CUX1: variants seen among roughly 807,000 people sequenced by gnomAD.
The protein encoded by CUX1 is protein CASP.
CUX1 carries 31 observed loss-of-function variants against 158.8 expected under a neutral mutation model. That is an observed-to-expected ratio of 0.20 (90% CI 0.15 to 0.26). The LOEUF is 0.26. CUX1 is among the 10% of genes least tolerant of loss of function. The pLI, the probability that CUX1 is intolerant of heterozygous loss-of-function variation, is 1.00. For synonymous variants in CUX1, 879 were observed against 862.1 expected, an observed-to-expected ratio of 1.02 and a Z score of -0.34; for missense variants, 1,589 against 2,014.6, an observed-to-expected ratio of 0.79 and a Z score of 4.04.
intron 2 of CUX1, among the ~76,000 whole-genome samples, chr7:101,996,479 A>C (rs202155): frequency 0.8 from 121,708 of 152,078 alleles, 49,260 homozygotes; most frequent in East Asian, 0.99. Context: ...TGTCTCTGCC[A>C]AGCCCCATGT....
chr7:101,853,584 G>GGGGTGTGT (rs754780783), intron 1 of CUX1, among the ~76,000 whole-genome samples: 75 of 140,868 alleles, frequency 5.3e-4, no homozygotes, highest in African/African-American at 1.8e-3. Flanking sequence ...CAATAGAAAG[G>GGGGTGTGT]GTGTGTGTGT....
chr7:101,873,369 A>G (rs1326102687), intron 1 of CUX1, among the ~76,000 whole-genome samples: 1 of 106,534 alleles, frequency 9.4e-6, no homozygotes, highest in Non-Finnish European at 1.7e-5. Context: ...TTTATTTTTT[A>G]TAGAGACAGG....
At chr7:102,271,132 T>A (rs1457882897) in intron 14 of CUX1, among the ~76,000 whole-genome samples, 1 of 152,124 alleles carries the variant, frequency 6.6e-6, no homozygotes, top group Non-Finnish European at 1.5e-5. Flanking sequence ...AAGGGCTCAC[T>A]CTGGCCAGGC....
At chr7:101,932,068 T>C (rs959006927) in intron 2 of CUX1, among the ~76,000 whole-genome samples, 2 of 152,186 alleles carry the variant, frequency 1.3e-5, no homozygotes, top group Non-Finnish European at 2.9e-5. Context: ...GGATACAAAA[T>C]CGTCAAAATT....
At chr7:101,990,340 C>T (rs1563099590) in intron 2 of CUX1, among the ~76,000 whole-genome samples, 4 of 152,046 alleles carry the variant, frequency 2.6e-5, no homozygotes. Flanking sequence ...CCAGACTGGG[C>T]AACAGAGCCA....
At chr7:101,985,429 A>G (rs1287958703) in intron 2 of CUX1, among the ~76,000 whole-genome samples, 1 of 152,198 alleles carries the variant, frequency 6.6e-6, no homozygotes, top group African/African-American at 2.4e-5. Flanking sequence ...TCTGTCCACG[A>G]TCATGGTGGC....
chr7:102,214,676 A>ACCCAGGC (rs1401308153), intron 20 of CUX1, among the ~76,000 whole-genome samples: 29 of 152,188 alleles, frequency 1.9e-4, no homozygotes, highest in Non-Finnish European at 3.2e-4. Context: ...CCATGCCGAC[A>ACCCAGGC]CCCAGGCCCC....
intron 4 of CUX1, among the ~76,000 whole-genome samples, chr7:102,082,041 G>A (rs1210089631): frequency 6.8e-6 from 1 of 146,458 alleles, no homozygotes; most frequent in African/African-American, 2.4e-5. Context: ...AAGTCCTAGT[G>A]AGCCAGCAGC....
At chr7:101,910,259 G>A (rs929884661) in intron 1 of CUX1, among the ~76,000 whole-genome samples, 2 of 151,966 alleles carry the variant, frequency 1.3e-5, no homozygotes, top group Non-Finnish European at 2.9e-5. Context: ...CGATCCTCCC[G>A]CCTTAGCCCC....
chr7:101,817,152 G>A (rs1452781134), upstream of CUX1: 4 of 984,362 alleles, frequency 4.1e-6, no homozygotes, highest in South Asian at 1.4e-4. The surrounding 1 kb of genome is among the most constrained non-coding windows in gnomAD (Gnocchi z 4.1). Flanking sequence ...GGAGGAGGCT[G>A]CAACTTTCCC....
At chr7:102,170,596 G>A (rs367951475) in intron 10 of CUX1, 46 bp downstream of exon 10, 20 of 1,335,336 alleles carry the variant, frequency 1.5e-5, no homozygotes, top group Non-Finnish European at 1.9e-5. Context: ...CCTGGCCTCC[G>A]CACCTTCGAG....
intron 23 of CUX1, 104 bp downstream of exon 23, chr7:102,239,688 G>A (rs1346592885): frequency 2.2e-6 from 3 of 1,381,606 alleles, no homozygotes; most frequent in African/African-American, 2.9e-5. Flanking sequence ...GCCGGAGGTG[G>A]GGCGCTGGGA....
At chr7:101,910,760 A>C (rs1375722090) in intron 1 of CUX1, among the ~76,000 whole-genome samples, 3 of 151,784 alleles carry the variant, frequency 2.0e-5, no homozygotes. Context: ...AAAAAAAAAA[A>C]GATGGGCAAA....
At chr7:101,942,398 G>A (rs1386885522) in intron 2 of CUX1, among the ~76,000 whole-genome samples, 2 of 152,196 alleles carry the variant, frequency 1.3e-5, no homozygotes, top group African/African-American at 4.8e-5. Flanking sequence ...CTTGTATTCA[G>A]TATTATTTCA....
At chr7:102,259,395 C>T (rs989987637), downstream of CUX1, among the ~76,000 whole-genome samples, 2 of 152,190 alleles carry the variant, frequency 1.3e-5, no homozygotes, top group African/African-American at 2.4e-5. Flanking sequence ...CAAGACCAGC[C>T]TGGCCAACAT....
chr7:101,934,012 C>G (rs1585024052), intron 2 of CUX1, among the ~76,000 whole-genome samples: 1 of 152,188 alleles, frequency 6.6e-6, no homozygotes, highest in Non-Finnish European at 1.5e-5. Context: ...ATCATTTTCT[C>G]TTCCCCTCAC....
At chr7:101,947,928 T>G (rs1017349134) in intron 2 of CUX1, among the ~76,000 whole-genome samples, 2 of 152,200 alleles carry the variant, frequency 1.3e-5, no homozygotes, top group Non-Finnish European at 2.9e-5. Context: ...GACTATTGCT[T>G]ACGGAATTAA....
Position 102,134,974 on chromosome 7 carries a change from C to T in CUX1, c.674+19701C>T, listed in dbSNP as rs114351435. Among the ~76,000 whole-genome samples, 1,253 of 152,226 alleles carry T rather than the reference C, an allele frequency of 8.2e-3. 19 individuals are homozygous for T. The highest frequency in any genetic ancestry group is 0.029 in the African/African-American group (1,191 of 41,540). On this transcript the variant is annotated intron_variant, in intron 8 of 23. Coordinates refer to ENST00000292535, the MANE Select transcript of CUX1 (RefSeq NM_181552.4). ...GTGGAAACTGGGCAGTAATTCTACA[C>T]GTATTCTGGATTTTAGCTACTCACA...
intron 3 of CUX1, among the ~76,000 whole-genome samples, chr7:102,053,786 G>A (rs1163214565): frequency 2.0e-5 from 3 of 146,640 alleles, no homozygotes; most frequent in Admixed American, 6.8e-5. Context: ...CTTCCATTCT[G>A]TGGGTTGTCT....
Sources: allele counts gnomAD v4.1 joint callset (sites outside exome capture counted in the v4.1 genomes callset), GRCh38; gene constraint gnomAD v4.1.1; non-coding constraint Gnocchi (gnomAD v3.1); transcripts MANE v1.5; gene names NCBI Gene and HGNC (gene_info 2026-07-23, HGNC 2026-07-21).